Variants in WDFY2 observed in about 807,000 individuals in gnomAD.
The protein encoded by WDFY2 is WD repeat and FYVE domain containing 2, also known as WD repeat and FYVE domain-containing protein 2.
In WDFY2, 36 loss-of-function variants were observed where a neutral mutation model predicts 56.4. That is an observed-to-expected ratio of 0.64 (90% CI 0.49 to 0.84). The LOEUF (loss-of-function observed/expected upper bound fraction) is 0.84. WDFY2 is among the 40% of genes least tolerant of loss of function. WDFY2 has a pLI of 0.00. For missense variants in WDFY2, 444 were observed against 512.2 expected (o/e 0.87, Z 1.29); for synonymous variants, 176 against 183.7 (o/e 0.96, Z 0.34).
intron 2 of WDFY2, among the ~76,000 whole-genome samples, chr13:51,667,221 A>G (rs1955720076): frequency 6.6e-6 from 1 of 152,182 alleles, no homozygotes; most frequent in South Asian, 2.1e-4. Flanking sequence ...AAAATTGGCT[A>G]CTTTGTGAGG....
intron 4 of WDFY2, among the ~76,000 whole-genome samples, chr13:51,707,917 T>C (rs923971387): frequency 1.4e-5 from 2 of 145,522 alleles, no homozygotes; most frequent in Non-Finnish European, 3.0e-5. Flanking sequence ...GTTAAAGATA[T>C]ATACTATTAA....
chr13:51,649,679 G>A (rs1314503404), intron 1 of WDFY2, among the ~76,000 whole-genome samples: 1 of 149,724 alleles, frequency 6.7e-6, no homozygotes, highest in African/African-American at 2.5e-5. Context: ...AGAACATGCA[G>A]TGTTTGGTTT....
At chr13:51,694,952 C>T (rs919848499) in intron 3 of WDFY2, among the ~76,000 whole-genome samples, 4 of 152,132 alleles carry the variant, frequency 2.6e-5, no homozygotes, top group Admixed American at 1.3e-4. Flanking sequence ...TCACTGATAC[C>T]CTTTCTTCCA....
intron 7 of WDFY2, among the ~76,000 whole-genome samples, chr13:51,744,114 G>T (rs553153140): frequency 6.6e-6 from 1 of 152,272 alleles, no homozygotes; most frequent in South Asian, 2.1e-4. Flanking sequence ...TTATTGTCTG[G>T]GAGACCTCAC....
chr13:51,596,988 C>G (rs1186445730), intron 1 of WDFY2, among the ~76,000 whole-genome samples: 1 of 152,160 alleles, frequency 6.6e-6, no homozygotes, highest in African/African-American at 2.4e-5. Context: ...AAGAAGCGGT[C>G]CAGAAAAGTT....
intron 1 of WDFY2, chr13:51,598,501 G>C (rs1029899239): frequency 2.0e-5 from 3 of 152,162 alleles, no homozygotes; most frequent in Admixed American, 6.6e-5. Context: ...GGTGCAGGGG[G>C]CATGCAACAA....
In WDFY2 at chr13:51,685,123, A is replaced by G. The variant is rs554726641; in HGVS notation, c.279+9880A>G. Among the ~76,000 whole-genome samples, 10 of 152,274 alleles carry G rather than the reference A, an allele frequency of 6.6e-5. No individual in the cohort carries two copies. The East Asian group carries it at 1.2e-3, about 18-fold the overall frequency. ...CCTTCACTGACCTCCTGCCGCCTCT[A>G]TGGAACTTCTACCTTCAAGAATTAG... On this transcript the variant is annotated intron_variant, in intron 3 of 11. Transcript: ENST00000298125.
chr13:51,660,168 T>G (rs1447670724), intron 1 of WDFY2, among the ~76,000 whole-genome samples: 1 of 152,130 alleles, frequency 6.6e-6, no homozygotes, highest in African/African-American at 2.4e-5. Context: ...ATGGTTAAGA[T>G]ACATAGGTAT....
chr13:51,649,017 T>G (rs1028996859), intron 1 of WDFY2, among the ~76,000 whole-genome samples: 2 of 152,144 alleles, frequency 1.3e-5, no homozygotes, highest in Admixed American at 1.3e-4. Context: ...TGTGGTGGCA[T>G]GCACGTGTAA....
At chr13:51,751,463 C>T (rs1307571240) in intron 8 of WDFY2, 48 bp downstream of exon 8, 2 of 1,497,626 alleles carry the variant, frequency 1.3e-6, no homozygotes, top group Admixed American at 1.7e-5. Context: ...CTGGCCCTGC[C>T]TCCCTTCCTG....
intron 1 of WDFY2, among the ~76,000 whole-genome samples, chr13:51,600,084 C>T (rs1405963813): frequency 6.6e-6 from 1 of 152,174 alleles, no homozygotes; most frequent in Non-Finnish European, 1.5e-5. Flanking sequence ...CACTGCCTCA[C>T]ATTGAAATTA....
chr13:51,649,626 C>T (rs1955332896), intron 1 of WDFY2, among the ~76,000 whole-genome samples: 1 of 145,332 alleles, frequency 6.9e-6, no homozygotes, highest in African/African-American at 2.6e-5. Flanking sequence ...GTTCCCCTTC[C>T]TGTGTCCAAG....
chr13:51,759,394 A>G (rs1168197225), intron 11 of WDFY2, among the ~76,000 whole-genome samples: 2 of 152,184 alleles, frequency 1.3e-5, no homozygotes, highest in African/African-American at 4.8e-5. Flanking sequence ...GGCTCATCGA[A>G]TGCTGCCTCA....
rs780618018 is a variant in WDFY2 at position 51,759,785 on chromosome 13, T to A, written c.*16T>A. On this transcript the variant is annotated 3_prime_UTR_variant, in exon 12 of 12. Transcript: ENST00000298125. The stretch of plus-strand genomic sequence containing the variant: ...CGTGTCTTGATGACTCTCCCAGGAA[T>A]CAGAAAGATAGTATTTACTAAAGAA... 1 of 1,613,472 alleles carries A rather than the reference T, an allele frequency of 6.2e-7. No individual in the cohort carries two copies. Among genetic ancestry groups the A allele is most frequent in the South Asian group, 1.1e-5 (1 of 91,010 alleles).
intron 4 of WDFY2, among the ~76,000 whole-genome samples, chr13:51,716,276 A>G (rs1952344170): frequency 6.6e-6 from 1 of 152,230 alleles, no homozygotes; most frequent in Admixed American, 6.5e-5. Flanking sequence ...TGTTCTGGAA[A>G]TAGATAATAG....
At chr13:51,584,907 C>G in intron 1 of WDFY2, 83 bp downstream of exon 1, 4 of 1,560,562 alleles carry the variant, frequency 2.6e-6, no homozygotes, top group Non-Finnish European at 3.5e-6. Context: ...TGTGCCTTCA[C>G]GTCGGCGCGA....
chr13:51,743,759 C>T (rs556313388), intron 7 of WDFY2, among the ~76,000 whole-genome samples: 2 of 152,312 alleles, frequency 1.3e-5, no homozygotes, highest in East Asian at 1.9e-4. Context: ...AAGGTGGCAC[C>T]GTTCGCCAGT....
At position 51,755,373 on chromosome 13, in the gene WDFY2, G is replaced by A. The variant is rs1953345048; in HGVS notation, c.847G>A (p.Asp283Asn). ...VERQETPEWL[D>N]SDSCQKCDQP... Reference sequence around the variant, plus strand: ...ATTTGACAAGACCCCTGAATGGTTGGACAGTGATTCCTGCCAAAAGTGTGA... The same window carrying A: ...ATTTGACAAGACCCCTGAATGGTTGAACAGTGATTCCTGCCAAAAGTGTGA... Residue 283 changes from aspartate to asparagine, a missense_variant, in exon 9 of 12, where the codon GAC becomes AAC. Physicochemically the swap from Asp to Asn is conservative, Grantham distance 23. Coordinates refer to ENST00000298125, the MANE Select transcript of WDFY2 (RefSeq NM_052950.4). 2 of 1,614,186 alleles carry A rather than the reference G, an allele frequency of 1.2e-6. No homozygotes were observed. Among genetic ancestry groups the A allele is most frequent in the Non-Finnish European group, 1.7e-6 (2 of 1,180,024 alleles).
At chr13:51,683,236 G>A (rs1446906159) in intron 3 of WDFY2, among the ~76,000 whole-genome samples, 1 of 152,174 alleles carries the variant, frequency 6.6e-6, no homozygotes, top group Non-Finnish European at 1.5e-5. Flanking sequence ...GCTTTCTATT[G>A]TTTTAGGAAT....
Sources: allele counts gnomAD v4.1 joint callset (sites outside exome capture counted in the v4.1 genomes callset), GRCh38; gene constraint gnomAD v4.1.1; transcripts MANE v1.5; gene names NCBI Gene and HGNC (gene_info 2026-07-23, HGNC 2026-07-21).